The following SLC4A10 variants were observed in gnomAD, a reference collection of about 807,000 sequenced individuals.
SLC4A10 encodes the protein solute carrier family 4 member 10.
A neutral mutation model predicts 137.7 loss-of-function variants in SLC4A10; 42 were observed. The ratio of observed to expected loss-of-function variants is 0.30; its 90% confidence interval spans 0.24 to 0.39. The LOEUF is 0.39. Ranked by LOEUF, SLC4A10 falls within the 10% of genes least tolerant of loss-of-function variation. The pLI is 1.00. For missense variants in SLC4A10, 925 were observed against 1,355.0 expected (o/e 0.68, Z 4.98); for synonymous variants, 474 against 464.1 (o/e 1.02, Z -0.27).
Position 161,973,857 on chromosome 2 carries a change from A to T in SLC4A10, c.3160-392A>T, listed in dbSNP as rs576770457. On this transcript the variant is annotated intron_variant, in intron 23 of 26. Transcript: ENST00000446997. The stretch of plus-strand genomic sequence containing the variant: ...AAGTTTGAGAAACACTGTTCTGAGT[A>T]CATCCCTCATCCTCTCCTCATAGAG... 1.4e-4 allele frequency among the ~76,000 whole-genome samples: 21 copies of T among 152,362 alleles called. No homozygotes were observed. In the South Asian group the frequency reaches 4.3e-3, roughly 32 times the overall value.
intron 1 of SLC4A10, among the ~76,000 whole-genome samples, chr2:161,763,800 T>C (rs2050514497): frequency 6.6e-6 from 1 of 151,964 alleles, no homozygotes; most frequent in African/African-American, 2.4e-5. Context: ...GGGAAAAGAG[T>C]GCTAAGCAGA....
intron 1 of SLC4A10, among the ~76,000 whole-genome samples, chr2:161,689,859 G>C (rs1364669898): frequency 1.3e-5 from 2 of 152,028 alleles, no homozygotes; most frequent in African/African-American, 4.8e-5. Context: ...TTGTCTTTTG[G>C]TGCATTTTCA....
At chr2:161,952,231 T>C (rs745987520) in intron 19 of SLC4A10, among the ~76,000 whole-genome samples, 68 of 152,120 alleles carry the variant, frequency 4.5e-4, no homozygotes, top group Non-Finnish European at 9.1e-4. Flanking sequence ...GTGCTGAGAT[T>C]GATATTACCT....
At chr2:161,977,232 C>A in intron 25 of SLC4A10, 1 of 275,998 alleles carries the variant, frequency 3.6e-6, no homozygotes, top group South Asian at 4.1e-5. Flanking sequence ...CTTTTTTAGA[C>A]TGATATGCAC....
chr2:161,964,070 T>A, intron 21 of SLC4A10, 65 bp from the exon 22 acceptor site: 6 of 1,420,458 alleles, frequency 4.2e-6, no homozygotes, highest in Non-Finnish European at 9.4e-7. Context: ...ATATTAAACA[T>A]CAACTTGTCC....
rs541813220 is a variant in SLC4A10, at chr2:161,661,212, C to T, written c.48+36646C>T. The stretch of plus-strand genomic sequence containing the variant: ...AATGTTGGCCAGTCGCAGTAGCTCA[C>T]GCCTGTAATCCCAGCACTTTGGGAG... On this transcript the variant is annotated intron_variant, in intron 1 of 26. Coordinates refer to ENST00000446997, the MANE Select transcript of SLC4A10 (RefSeq NM_001178015.2). Among the ~76,000 whole-genome samples, 5 of 152,246 alleles carry T rather than the reference C, an allele frequency of 3.3e-5. No homozygotes were observed. In the South Asian group the frequency reaches 1.0e-3, roughly 32 times the overall value.
At position 161,774,174 on chromosome 2, in the gene SLC4A10, A is replaced by G. The variant is rs1029533802; in HGVS notation, c.130+3120A>G. 2.0e-5 allele frequency among the ~76,000 whole-genome samples: 3 copies of G among 152,028 alleles called. No homozygotes were observed. The East Asian group carries it at 5.8e-4, about 30-fold the overall frequency. On this transcript the variant is annotated intron_variant, in intron 2 of 26. Coordinates refer to ENST00000446997, the MANE Select transcript of SLC4A10 (RefSeq NM_001178015.2). ...GAGTAAAGCAAAAATTCTTGAGGTT[A>G]AGCAATTTCTGTTTTTGGCCTCCCA...
At chr2:161,745,236 T>G (rs1236624417) in intron 1 of SLC4A10, among the ~76,000 whole-genome samples, 1 of 152,116 alleles carries the variant, frequency 6.6e-6, no homozygotes, top group African/African-American at 2.4e-5. Context: ...GTAGGTGTGC[T>G]TCATTATTTT....
intron 1 of SLC4A10, among the ~76,000 whole-genome samples, chr2:161,658,402 T>C (rs2037838648): frequency 6.6e-6 from 1 of 152,168 alleles, no homozygotes; most frequent in South Asian, 2.1e-4. Context: ...CTTGGTTTTG[T>C]ATCTGTTGAA....
At chr2:161,891,965 G>A (rs1470957801) in intron 10 of SLC4A10, among the ~76,000 whole-genome samples, 4 of 151,932 alleles carry the variant, frequency 2.6e-5, no homozygotes, top group African/African-American at 7.3e-5. Context: ...AGGGGGTCAG[G>A]GAAGTCTGAT....
intron 1 of SLC4A10, among the ~76,000 whole-genome samples, chr2:161,635,064 A>G (rs915966428): frequency 3.9e-5 from 6 of 152,152 alleles, no homozygotes; most frequent in Non-Finnish European, 7.4e-5. Flanking sequence ...GATACCAGCC[A>G]TTTAATTAAT....
chr2:161,944,248 A>G (rs1409128023), intron 16 of SLC4A10, among the ~76,000 whole-genome samples: 2 of 151,892 alleles, frequency 1.3e-5, no homozygotes, highest in Non-Finnish European at 2.9e-5. Context: ...TAATGAAATC[A>G]TTAGTGGGTC....
intron 1 of SLC4A10, among the ~76,000 whole-genome samples, chr2:161,730,473 T>C (rs1198249918): frequency 6.6e-6 from 1 of 152,216 alleles, no homozygotes; most frequent in Admixed American, 6.5e-5. Context: ...TCTATTTATC[T>C]ATTATCTATC....
chr2:161,693,988 C>G (rs914118638), intron 1 of SLC4A10, among the ~76,000 whole-genome samples: 2 of 151,862 alleles, frequency 1.3e-5, no homozygotes, highest in African/African-American at 4.8e-5. Context: ...GAGAAATACT[C>G]AAAACTTGGC....
At chr2:161,766,660 A>G (rs1001814350) in intron 1 of SLC4A10, among the ~76,000 whole-genome samples, 2 of 152,070 alleles carry the variant, frequency 1.3e-5, no homozygotes, top group African/African-American at 4.8e-5. Flanking sequence ...TTGTAAATAT[A>G]TCAATAACAG....
At chr2:161,889,863 C>T (rs931191443) in intron 10 of SLC4A10, among the ~76,000 whole-genome samples, 18 of 152,072 alleles carry the variant, frequency 1.2e-4, no homozygotes, top group African/African-American at 3.4e-4. Flanking sequence ...TTCTCTGGTT[C>T]TTTTAACTGT....
intron 17 of SLC4A10, among the ~76,000 whole-genome samples, chr2:161,948,703 TTA>T (rs994400800): frequency 6.6e-6 from 1 of 152,104 alleles, no homozygotes. Flanking sequence ...AACTAAAACA[TTA>T]TGTTTCTTTG....
intron 21 of SLC4A10, among the ~76,000 whole-genome samples, chr2:161,958,891 T>C (rs74969668): frequency 0.017 from 2,635 of 152,274 alleles, 79 homozygotes; most frequent in African/African-American, 0.06. Flanking sequence ...TGGACATCTA[T>C]TGGTAAGAAT....
intron 3 of SLC4A10, among the ~76,000 whole-genome samples, chr2:161,806,848 A>C (rs1239782438): frequency 6.6e-6 from 1 of 152,106 alleles, no homozygotes. Flanking sequence ...AGTCACTTCC[A>C]CATTTTCAGG....
Sources: gnomAD v4.1 joint callset for allele counts (sites outside exome capture counted in the v4.1 genomes callset) on GRCh38, gnomAD v4.1.1 for gene constraint, MANE v1.5 for transcripts, NCBI Gene and HGNC (gene_info 2026-07-23, HGNC 2026-07-21) for gene names.